Variants in RANBP2 observed in about 807,000 individuals in gnomAD.
RANBP2 encodes the protein E3 SUMO-protein ligase RanBP2.
RANBP2 carries 57 observed loss-of-function variants against 303.6 expected under a neutral mutation model. That is an observed-to-expected ratio of 0.19 (90% CI 0.15 to 0.23). The LOEUF is 0.23. Among genes scored for constraint, RANBP2 ranks in the 10% least tolerant of loss-of-function variants. The pLI, the probability that RANBP2 is intolerant of heterozygous loss-of-function variation, is 1.00. For missense variants in RANBP2, 3,138 were observed against 3,780.8 expected (o/e 0.83, Z 4.46); for synonymous variants, 1,167 against 1,301.5 (o/e 0.90, Z 2.23).
chr2:109,128,927 C>G, the RANBP2 span: 1 of 378,956 alleles, frequency 2.6e-6, no homozygotes, highest in Non-Finnish European at 5.3e-6. Context: ...CCTGCAGGCA[C>G]GGCGCCTCCT....
chr2:108,873,729 A>C, the RANBP2 span: 5 of 564,398 alleles, frequency 8.9e-6, no homozygotes, highest in Admixed American at 9.8e-5. Flanking sequence ...AAAATACGCT[A>C]ACACTAACGA....
chr2:109,360,394 T>G, the RANBP2 span, among the ~76,000 whole-genome samples: 1 of 152,204 alleles, frequency 6.6e-6, no homozygotes, highest in East Asian at 1.9e-4. Flanking sequence ...TTGCTTTTTG[T>G]AGGCTCGATG....
the RANBP2 span, chr2:108,876,203 A>C: frequency 6.2e-7 from 1 of 1,613,292 alleles, no homozygotes; most frequent in East Asian, 2.2e-5. Flanking sequence ...AACTCTGTTC[A>C]ATCTGGGTTT....
chr2:109,616,216 T>G, the RANBP2 span: 1 of 1,259,824 alleles, frequency 7.9e-7, no homozygotes, highest in South Asian at 2.8e-5. Context: ...CTCTTCAGGC[T>G]AGCCTTCTGG....
rs9917290 is a variant in RANBP2 at position 108,727,804 on chromosome 2, T to C, written c.73-1328T>C. ...TTTTAGTAGAAAGGAGGTTTCTGCATGTTGGCCAGGCTGGTCTCGAACTCT... is the reference window on the plus strand; with the variant it reads ...TTTTAGTAGAAAGGAGGTTTCTGCACGTTGGCCAGGCTGGTCTCGAACTCT... On this transcript the variant is annotated intron_variant, in intron 1 of 28. Coordinates refer to ENST00000283195, the MANE Select transcript of RANBP2 (RefSeq NM_006267.5). Among the ~76,000 whole-genome samples, 472 of 152,058 alleles carry C rather than the reference T, an allele frequency of 3.1e-3. 2 individuals are homozygous for C. The highest frequency in any genetic ancestry group is 0.01 in the African/African-American group (432 of 41,482).
At chr2:109,271,741 G>A in the RANBP2 span, among the ~76,000 whole-genome samples, 2 of 152,234 alleles carry the variant, frequency 1.3e-5, no homozygotes, top group African/African-American at 2.4e-5. Flanking sequence ...ACAGAAAGTC[G>A]TGTGTCCTCA....
the RANBP2 span, among the ~76,000 whole-genome samples, chr2:108,869,712 A>G: frequency 6.6e-6 from 1 of 152,134 alleles, no homozygotes; most frequent in Non-Finnish European, 1.5e-5. Flanking sequence ...AACAGCATAC[A>G]CAGGCCCAGA....
chr2:109,424,380 C>T, the RANBP2 span, among the ~76,000 whole-genome samples: 1 of 152,220 alleles, frequency 6.6e-6, no homozygotes, highest in Non-Finnish European at 1.5e-5. Flanking sequence ...CATCCCTGGA[C>T]CCTGTCCAGT....
the RANBP2 span, chr2:109,593,224 T>C: frequency 1.9e-5 from 13 of 687,960 alleles, 2 homozygotes; most frequent in East Asian, 2.3e-4. Flanking sequence ...AATAATGTTG[T>C]TATCACCAAG....
chr2:109,539,509 T>C, the RANBP2 span, among the ~76,000 whole-genome samples: 1 of 151,462 alleles, frequency 6.6e-6, no homozygotes, highest in African/African-American at 2.4e-5. Flanking sequence ...AGTGGCACGA[T>C]CTTGGCTCAC....
chr2:108,721,267 T>G (rs1201160746), intron 1 of RANBP2, among the ~76,000 whole-genome samples: 1 of 152,152 alleles, frequency 6.6e-6, no homozygotes, highest in Non-Finnish European at 1.5e-5. Flanking sequence ...TAGTTTCTCT[T>G]GGGAACAGTG....
chr2:109,458,996 A>G, the RANBP2 span, among the ~76,000 whole-genome samples: 7 of 152,312 alleles, frequency 4.6e-5, no homozygotes, highest in Non-Finnish European at 1.0e-4. Context: ...TAGTTTCCAC[A>G]TAAAGACAAA....
At chr2:109,107,828 C>T in the RANBP2 span, among the ~76,000 whole-genome samples, 11 of 152,170 alleles carry the variant, frequency 7.2e-5, no homozygotes, top group East Asian at 1.9e-4. Context: ...CTCCATCTCC[C>T]GGGTTCCAGC....
the RANBP2 span, among the ~76,000 whole-genome samples, chr2:109,069,293 C>T: frequency 1.3e-5 from 2 of 152,164 alleles, no homozygotes; most frequent in African/African-American, 4.8e-5. Context: ...GCAAGGATCC[C>T]AGATGTTTGA....
rs866819817 is a variant in RANBP2, at chr2:108,772,675, T to C, written c.8113+94T>C. 74 of 1,318,974 alleles carry C rather than the reference T, an allele frequency of 5.6e-5. No individual in the cohort carries two copies. The Middle Eastern group carries it at 3.7e-3, about 67-fold the overall frequency. The allele number at this position is 1,318,974 out of a possible 1,614,324, so 81.7% of individuals were successfully genotyped here. A position where few individuals can be genotyped will look rare whatever the true frequency, so the allele number is the denominator to read the frequency against. Reference sequence around the variant, plus strand: ...CTGATAATTTCTATAATTATCGATTTTACGATGCCCATGGTGATTTAAAAA... The same window carrying C: ...CTGATAATTTCTATAATTATCGATTCTACGATGCCCATGGTGATTTAAAAA... On this transcript the variant is annotated intron_variant, in intron 22 of 28. Transcript: ENST00000283195.
the RANBP2 span, among the ~76,000 whole-genome samples, chr2:109,066,771 G>T: frequency 3.9e-5 from 6 of 152,080 alleles, no homozygotes; most frequent in Non-Finnish European, 8.8e-5. Flanking sequence ...GCCCAGGACT[G>T]CCTGAGTTAC....
chr2:108,946,987 C>T, the RANBP2 span, among the ~76,000 whole-genome samples: 1 of 152,160 alleles, frequency 6.6e-6, no homozygotes, highest in African/African-American at 2.4e-5. Context: ...TCCAAAGTCT[C>T]ATCTGAGACA....
the RANBP2 span, among the ~76,000 whole-genome samples, chr2:109,338,827 G>C: frequency 3.3e-5 from 5 of 152,188 alleles, no homozygotes; most frequent in African/African-American, 1.2e-4. Context: ...CAAAGTGTGT[G>C]AGCCATTGCG....
chr2:108,783,497 CAT>C (rs991700269), intron 28 of RANBP2, 97 bp from the exon 29 acceptor site: 7 of 817,974 alleles, frequency 8.6e-6, no homozygotes, highest in African/African-American at 1.7e-5. Context: ...TAGGATTTAA[CAT>C]GTAGTGATGA....
Sources: gnomAD v4.1 joint callset for allele counts (sites outside exome capture counted in the v4.1 genomes callset) on GRCh38, gnomAD v4.1.1 for gene constraint, MANE v1.5 for transcripts, NCBI Gene and HGNC (gene_info 2026-07-23, HGNC 2026-07-21) for gene names.